The following DGKI variants were observed in gnomAD, a reference collection of about 807,000 sequenced individuals.
DGKI encodes the protein diacylglycerol kinase iota.
DGKI carries 55 observed loss-of-function variants against 147.5 expected under a neutral mutation model. The ratio of observed to expected loss-of-function variants is 0.37; its 90% CI spans 0.30 to 0.47. The LOEUF is 0.47. Ranked by LOEUF, DGKI falls within the 20% of genes least tolerant of loss-of-function variation. The pLI is 1.00. For synonymous variants in DGKI, 469 were observed against 477.1 expected, an observed-to-expected ratio of 0.98 and a Z score of 0.22; for missense variants, 1,007 against 1,323.8, an observed-to-expected ratio of 0.76 and a Z score of 3.71.
At chr7:137,421,562 C>G (rs960447187) in intron 28 of DGKI, among the ~76,000 whole-genome samples, 4 of 152,230 alleles carry the variant, frequency 2.6e-5, no homozygotes, top group Non-Finnish European at 4.4e-5. Context: ...GATGCACTCC[C>G]TTCAAAAGCA....
At chr7:137,788,635 TACACACACAC>T (rs745381286) in intron 1 of DGKI, among the ~76,000 whole-genome samples, 1 of 120,122 alleles carries the variant, frequency 8.3e-6, no homozygotes, top group Admixed American at 8.2e-5. Flanking sequence ...AACCCATAAA[TACACACACAC>T]ACACACACAC....
At chr7:137,546,295 T>A (rs1010796301) in intron 20 of DGKI, among the ~76,000 whole-genome samples, 1 of 151,960 alleles carries the variant, frequency 6.6e-6, no homozygotes, top group Non-Finnish European at 1.5e-5. Flanking sequence ...CTCAGGCCCA[T>A]CAGGACACCC....
intron 1 of DGKI, among the ~76,000 whole-genome samples, chr7:137,714,414 T>G (rs1794315468): frequency 6.6e-6 from 1 of 152,224 alleles, no homozygotes; most frequent in Non-Finnish European, 1.5e-5. Context: ...TTTTTTATTT[T>G]TCTTCTATTT....
chr7:137,773,061 T>G (rs1796255863), intron 1 of DGKI, among the ~76,000 whole-genome samples: 2 of 152,184 alleles, frequency 1.3e-5, no homozygotes, highest in African/African-American at 4.8e-5. Context: ...CAAGTGACAC[T>G]CTGTACAAGA....
intron 19 of DGKI, among the ~76,000 whole-genome samples, chr7:137,555,330 A>G (rs1389520955): frequency 2.0e-5 from 3 of 151,992 alleles, no homozygotes. Context: ...GTTCAAGACC[A>G]GCTAGGGCAA....
At chr7:137,457,696 G>A (rs7792957) in intron 27 of DGKI, among the ~76,000 whole-genome samples, 5,975 of 152,090 alleles carry the variant, frequency 0.039, 289 homozygotes, top group East Asian at 0.12. Context: ...AAATTTCCTT[G>A]AGCACACATA....
chr7:137,755,087 A>C (rs2116776487), intron 1 of DGKI, among the ~76,000 whole-genome samples: 1 of 152,204 alleles, frequency 6.6e-6, no homozygotes, highest in East Asian at 1.9e-4. Context: ...ACACAATTAC[A>C]TATGTAATTG....
At chr7:137,394,398 G>A (rs989882353) in intron 32 of DGKI, among the ~76,000 whole-genome samples, 2 of 152,126 alleles carry the variant, frequency 1.3e-5, no homozygotes, top group African/African-American at 2.4e-5. Flanking sequence ...CCAAAAGATT[G>A]GACACCCCTG....
intron 1 of DGKI, among the ~76,000 whole-genome samples, chr7:137,746,496 C>T (rs1487294943): frequency 6.6e-6 from 1 of 152,196 alleles, no homozygotes. Flanking sequence ...GAAATCTCTT[C>T]TGGAGGAAAA....
rs538716681 is a variant in DGKI at position 137,413,253 on chromosome 7, G to A, written c.2762-1046C>T. On this transcript the variant is annotated intron_variant, in intron 28 of 32. Transcript: ENST00000614521. ...TGCCCTCCTGCCCAGGCGACAGAGT[G>A]AGACTCCATCTCAAAAAAAAAAAAA... Among the ~76,000 whole-genome samples, 17 of 133,168 alleles carry A rather than the reference G, an allele frequency of 1.3e-4. No individual in the cohort carries two copies. In the South Asian group the frequency reaches 4.2e-3, roughly 33 times the overall value. 87.4% of individuals were successfully genotyped at this position (133,168 alleles called of 152,430 possible). A position where few individuals can be genotyped will look rare whatever the true frequency, so the allele number is the denominator to read the frequency against.
intron 23 of DGKI, among the ~76,000 whole-genome samples, chr7:137,476,299 A>G (rs556804231): frequency 2.0e-5 from 3 of 152,000 alleles, no homozygotes; most frequent in Non-Finnish European, 4.4e-5. Flanking sequence ...ACTGAACCAC[A>G]TTTTGGTGAT....
At chr7:137,718,658 A>G (rs971062417) in intron 1 of DGKI, among the ~76,000 whole-genome samples, 3 of 152,224 alleles carry the variant, frequency 2.0e-5, no homozygotes, top group African/African-American at 7.2e-5. Flanking sequence ...TGTGGACAAC[A>G]TAAGAAAAGT....
intron 1 of DGKI, among the ~76,000 whole-genome samples, chr7:137,752,363 A>T (rs1165412375): frequency 6.6e-6 from 1 of 152,232 alleles, no homozygotes; most frequent in Non-Finnish European, 1.5e-5. Flanking sequence ...GGAAGGCCTC[A>T]TATTTATAAA....
intron 6 of DGKI, among the ~76,000 whole-genome samples, chr7:137,638,980 C>T (rs1005160113): frequency 6.6e-5 from 10 of 152,086 alleles, no homozygotes; most frequent in African/African-American, 1.9e-4. Context: ...ATGAGGTGCA[C>T]ATTTACCATA....
Position 137,592,113 on chromosome 7 carries a change from C to T in DGKI, c.1312-4903G>A, listed in dbSNP as rs577984388. Among the ~76,000 whole-genome samples the T allele has an allele frequency of 3.9e-5, 6 of 152,330 alleles. No homozygotes were observed. The East Asian group carries it at 9.6e-4, about 24-fold the overall frequency. The stretch of plus-strand genomic sequence containing the variant: ...AAGATCTTAAAGCTGTTACTGGAAG[C>T]TCTGTCTTTACAGTAATCCGGAACC... On this transcript the variant is annotated intron_variant, in intron 12 of 32. Coordinates refer to ENST00000614521, the MANE Select transcript of DGKI (RefSeq NM_001321708.2).
chr7:137,459,002 GT>G (rs145424304), intron 27 of DGKI, among the ~76,000 whole-genome samples: 5,991 of 152,172 alleles, frequency 0.039, 293 homozygotes, highest in East Asian at 0.12. Context: ...ATGTTCACAG[GT>G]TTTGCAGACA....
chr7:137,405,265 A>G (rs1811900863), intron 30 of DGKI, among the ~76,000 whole-genome samples: 1 of 151,810 alleles, frequency 6.6e-6, no homozygotes, highest in Non-Finnish European at 1.5e-5. Context: ...TTTCTTCAAG[A>G]GACAGAGTCT....
chr7:137,552,377 T>C lies in DGKI; in HGVS notation c.2139A>G (p.Leu713=). The change falls in exon 20 of 33, where the codon TTA becomes TTG. Residue 713 remains leucine (L), a synonymous_variant. Transcript: ENST00000614521. The part of the protein sequence containing the change: ...QKSKRRTSMP[L]LNDPQSVPDR... ...GCCATGAGCAGACTCACTCATTGAG[T>C]AAAGGCATGGATGTTCTCCTCTTGC... 6.2e-7 allele frequency: 1 copy of C among 1,612,910 alleles called. No homozygotes were observed. Among genetic ancestry groups the C allele is most frequent in the East Asian group, 2.2e-5 (1 of 44,878 alleles).
At chr7:137,447,304 C>T (rs1265420179) in intron 27 of DGKI, among the ~76,000 whole-genome samples, 4 of 151,250 alleles carry the variant, frequency 2.6e-5, no homozygotes, top group African/African-American at 9.7e-5. Flanking sequence ...GAAGGAAACA[C>T]AAAGAACAAT....
Sources: gnomAD v4.1 joint callset for allele counts (sites outside exome capture counted in the v4.1 genomes callset) on GRCh38, gnomAD v4.1.1 for gene constraint, MANE v1.5 for transcripts, NCBI Gene and HGNC (gene_info 2026-07-23, HGNC 2026-07-21) for gene names.